Variants in JADE2 observed in about 807,000 individuals in gnomAD.
The protein encoded by JADE2 is jade family PHD finger 2.
JADE2 carries 13 observed loss-of-function variants against 85.7 expected under a neutral mutation model. That is an observed-to-expected ratio of 0.15 (90% confidence interval 0.10 to 0.24). The LOEUF is 0.24. JADE2 is among the 10% of genes least tolerant of loss of function. The pLI is 1.00. For missense variants in JADE2, 846 were observed against 1,115.9 expected (o/e 0.76, Z 3.45); for synonymous variants, 440 against 456.1 (o/e 0.96, Z 0.45).
At chr5:134,570,334 C>A (rs767249163) in intron 9 of JADE2, among the ~76,000 whole-genome samples, 1 of 152,188 alleles carries the variant, frequency 6.6e-6, no homozygotes, top group East Asian at 1.9e-4. Flanking sequence ...TTCCTTCCCC[C>A]ACAGGGGCTC....
At chr5:134,552,860 A>T (rs577584039) in intron 4 of JADE2, among the ~76,000 whole-genome samples, 28 of 150,974 alleles carry the variant, frequency 1.9e-4, no homozygotes, top group Non-Finnish European at 3.8e-4. Context: ...TTGTGTAGAG[A>T]TGGGGATTTG....
intron 4 of JADE2, among the ~76,000 whole-genome samples, chr5:134,553,934 A>C (rs545301456): frequency 2.1e-4 from 32 of 152,234 alleles, no homozygotes; most frequent in Non-Finnish European, 3.4e-4. Context: ...GCAACCTGGG[A>C]AACCCTCCAA....
chr5:134,533,798 G>A (rs550197030), intron 1 of JADE2, among the ~76,000 whole-genome samples: 5 of 146,824 alleles, frequency 3.4e-5, no homozygotes, highest in East Asian at 4.1e-4. Context: ...CAAGGCTGGC[G>A]TGCAGTGGCA....
At chr5:134,569,677 G>A (rs991390865) in intron 9 of JADE2, among the ~76,000 whole-genome samples, 1 of 152,162 alleles carries the variant, frequency 6.6e-6, no homozygotes, top group Admixed American at 6.5e-5. Flanking sequence ...GGTGGAGGCG[G>A]CTCTGAGACA....
chr5:134,539,309 C>T (rs1171556778), intron 3 of JADE2, among the ~76,000 whole-genome samples: 9 of 152,078 alleles, frequency 5.9e-5, no homozygotes, highest in Non-Finnish European at 1.2e-4. Context: ...GTGATCCGCC[C>T]GCCTTGGCCT....
At chr5:134,546,808 A>C (rs1395698806) in intron 3 of JADE2, among the ~76,000 whole-genome samples, 4 of 152,104 alleles carry the variant, frequency 2.6e-5, no homozygotes, top group Non-Finnish European at 5.9e-5. Flanking sequence ...ACAAGTAATT[A>C]TATTTTGTAG....
At chr5:134,535,826 C>T (rs1233313596) in intron 1 of JADE2, 32 bp from the exon 2 acceptor site, 9 of 1,603,268 alleles carry the variant, frequency 5.6e-6, no homozygotes, top group Admixed American at 1.7e-5. Context: ...CCAAGCCATC[C>T]GTGAGTATAA....
At chr5:134,549,368 A>G (rs191274453) in intron 3 of JADE2, among the ~76,000 whole-genome samples, 80 of 152,316 alleles carry the variant, frequency 5.3e-4, no homozygotes, top group African/African-American at 1.9e-3. Context: ...TATTAAAAAT[A>G]TAAAAACTAG....
At position 134,578,976 on chromosome 5, in the gene JADE2, C is replaced by G. The variant is rs1424572219; in HGVS notation, c.2164C>G (p.Pro722Ala). The G allele has an allele frequency of 1.2e-6, 2 of 1,613,576 alleles. No individual in the cohort carries two copies. The highest frequency in any genetic ancestry group is 1.7e-6 in the Non-Finnish European group (2 of 1,179,980). ...CCCTGAAAGCCCCCCGCCACTGGCC[C>G]CTGAGACCCCGGACGAGGCAGCCTC... The part of the protein sequence containing the change: ...ATPESPPPLA[P>A]ETPDEAASVA... The change falls in exon 12 of 12, where the codon CCT (proline) becomes GCT (alanine). Residue 722 changes from proline to alanine, a missense_variant. Pro to Ala is a conservative substitution (Grantham distance 27). Around this residue, in one of 9 missense-constraint regions of JADE2, gnomAD observed 300 missense variants for 300.7 expected, o/e 1.00. Coordinates refer to ENST00000681547, the MANE Select transcript of JADE2 (RefSeq NM_001388185.1). This position sits in a 1 kb window ranked among gnomAD's most constrained non-coding sequence, Gnocchi z 4.4.
intron 3 of JADE2, among the ~76,000 whole-genome samples, chr5:134,545,065 A>T (rs774377969): frequency 4.6e-5 from 7 of 152,238 alleles, no homozygotes; most frequent in Non-Finnish European, 7.3e-5. Flanking sequence ...CCATAATTTG[A>T]TAGATAAAAC....
At chr5:134,533,764 T>TC (rs1761406021) in intron 1 of JADE2, among the ~76,000 whole-genome samples, 1 of 121,684 alleles carries the variant, frequency 8.2e-6, no homozygotes. Flanking sequence ...TTTTTTTTTT[T>TC]GAGATAAGGT....
At chr5:134,525,619 C>G, upstream of JADE2, 1 of 536,658 alleles carries the variant, frequency 1.9e-6, no homozygotes, top group Non-Finnish European at 2.8e-6. Context: ...CACCCCAACA[C>G]ATTTTTTTTT....
chr5:134,573,929 G>T (rs760879210), intron 10 of JADE2, 167 bp downstream of exon 10: 2 of 700,384 alleles, frequency 2.9e-6, no homozygotes, highest in East Asian at 5.4e-5. Context: ...GCCCAGACGG[G>T]GGCCTGCAAG....
intron 9 of JADE2, among the ~76,000 whole-genome samples, chr5:134,571,451 A>C (rs921388486): frequency 2.1e-4 from 32 of 152,120 alleles, no homozygotes; most frequent in Admixed American, 1.0e-3. Context: ...GTAATCCCAG[A>C]ACTTTGGGAG....
chr5:134,543,110 C>T (rs1176445724), intron 3 of JADE2, among the ~76,000 whole-genome samples: 1 of 149,796 alleles, frequency 6.7e-6, no homozygotes, highest in Non-Finnish European at 1.5e-5. Context: ...TCTCGGCTCA[C>T]TGCAACCTCC....
At chr5:134,569,261 G>A (rs1464170329) in intron 9 of JADE2, among the ~76,000 whole-genome samples, 1 of 152,128 alleles carries the variant, frequency 6.6e-6, no homozygotes, top group Non-Finnish European at 1.5e-5. Flanking sequence ...GCTCCACAGA[G>A]GACCAAAAGG....
At chr5:134,525,348 A>C (rs1042054002), upstream of JADE2, among the ~76,000 whole-genome samples, 4 of 151,826 alleles carry the variant, frequency 2.6e-5, no homozygotes, top group East Asian at 7.8e-4. Flanking sequence ...GGCCCTGGGG[A>C]CAGGGCGGGC....
chr5:134,574,209 G>C (rs1292435775), intron 10 of JADE2: 1 of 253,006 alleles, frequency 4.0e-6, no homozygotes, highest in Admixed American at 5.4e-5. Flanking sequence ...CCTGGCTGTT[G>C]TTTCTCTCTG....
chr5:134,577,081 C>T (rs1764416114), intron 11 of JADE2, 185 bp downstream of exon 11: 1 of 633,520 alleles, frequency 1.6e-6, no homozygotes, highest in South Asian at 2.2e-5. Flanking sequence ...ATCTCAGAGC[C>T]CCGTGTGACA....
Sources: gnomAD v4.1 joint callset for allele counts (sites outside exome capture counted in the v4.1 genomes callset) on GRCh38, gnomAD v4.1.1 for gene constraint, gnomAD v4.1.1 regional missense constraint, Gnocchi (gnomAD v3.1) non-coding constraint, MANE v1.5 for transcripts, NCBI Gene and HGNC (gene_info 2026-07-23, HGNC 2026-07-21) for gene names.